Variants in CTNNA2 observed in about 807,000 individuals in gnomAD.
CTNNA2 encodes the protein catenin alpha-2.
A neutral mutation model predicts 101.0 loss-of-function variants in CTNNA2; 42 were observed. The ratio of observed to expected loss-of-function variants is 0.42; its 90% CI spans 0.32 to 0.54. The LOEUF is 0.54. Among genes scored for constraint, CTNNA2 ranks in the 20% least tolerant of loss-of-function variants. The probability of loss-of-function intolerance (pLI) is 0.14; values close to 1 mark genes in which losing one functional copy is unlikely to be tolerated. For synonymous variants in CTNNA2, 450 were observed against 456.4 expected (o/e 0.99, Z 0.18); for missense variants, 871 against 1,223.1 (o/e 0.71, Z 4.29).
intron 3 of CTNNA2, among the ~76,000 whole-genome samples, chr2:79,319,041 C>T (rs934656406): frequency 2.0e-5 from 3 of 152,138 alleles, no homozygotes; most frequent in African/African-American, 7.2e-5. Context: ...GGAAAGGACT[C>T]TATTCAGTAA....
At chr2:79,906,313 GAC>G (rs201531566) in intron 6 of CTNNA2, among the ~76,000 whole-genome samples, 1,503 of 147,870 alleles carry the variant, frequency 0.01, 24 homozygotes, top group African/African-American at 0.036. Context: ...CACACACACA[GAC>G]ACACACCCAC....
chr2:79,429,920 C>A (rs1678638643), intron 4 of CTNNA2, among the ~76,000 whole-genome samples: 1 of 152,026 alleles, frequency 6.6e-6, no homozygotes, highest in South Asian at 2.1e-4. Flanking sequence ...TTTAGTAAGC[C>A]AAGTCATCTT....
chr2:79,512,689 G>A (rs189852708), upstream of CTNNA2, among the ~76,000 whole-genome samples: 3 of 151,946 alleles, frequency 2.0e-5, no homozygotes, highest in East Asian at 5.9e-4. Flanking sequence ...CGGCACCTGC[G>A]CCCTACGGCG....
chr2:80,543,160 G>A (rs1691728437), intron 9 of CTNNA2, among the ~76,000 whole-genome samples: 1 of 152,198 alleles, frequency 6.6e-6, no homozygotes, highest in Non-Finnish European at 1.5e-5. Context: ...TCTGTGTCAT[G>A]CACTGAGTCA....
chr2:80,094,426 A>T (rs1314950323), intron 7 of CTNNA2, among the ~76,000 whole-genome samples: 1 of 152,128 alleles, frequency 6.6e-6, no homozygotes, highest in Non-Finnish European at 1.5e-5. Context: ...GTATAGTTTA[A>T]AGTCAGGTAG....
chr2:79,922,324 C>CT (rs1030552678), intron 7 of CTNNA2, among the ~76,000 whole-genome samples: 1 of 151,986 alleles, frequency 6.6e-6, no homozygotes, highest in South Asian at 2.1e-4. Flanking sequence ...AGACATTGGC[C>CT]TTTTTTATTA....
chr2:80,627,869 G>A (rs959474087), intron 18 of CTNNA2, among the ~76,000 whole-genome samples: 1 of 151,552 alleles, frequency 6.6e-6, no homozygotes, highest in African/African-American at 2.4e-5. Context: ...TTAGTCCATC[G>A]TCTCAGCCCC....
At chr2:79,458,143 T>C (rs558873125) in intron 4 of CTNNA2, among the ~76,000 whole-genome samples, 1 of 152,304 alleles carries the variant, frequency 6.6e-6, no homozygotes, top group African/African-American at 2.4e-5. Context: ...AAAGCCCCAA[T>C]AGAAGATACA....
At chr2:79,477,168 C>CTTTTTT (rs5832392) in intron 4 of CTNNA2, among the ~76,000 whole-genome samples, 54 of 123,154 alleles carry the variant, frequency 4.4e-4, no homozygotes, top group Non-Finnish European at 5.8e-4. Flanking sequence ...TCTTTTTTTT[C>CTTTTTT]TTTTTTTTTT....
At position 80,241,315 on chromosome 2, in the gene CTNNA2, C is replaced by A. The variant is rs372349904; in HGVS notation, c.1057-151896C>A. Among the ~76,000 whole-genome samples, 21 of 151,488 alleles carry A rather than the reference C, an allele frequency of 1.4e-4. No homozygotes were observed. The East Asian group carries it at 1.6e-3, about 11-fold the overall frequency. ...AGACATATAGGTTAAACAAAAACTT[C>A]ATCAAACAATTTTGGAAGTTTCTTT... On this transcript the variant is annotated intron_variant, in intron 7 of 18. Coordinates refer to ENST00000402739, the MANE Select transcript of CTNNA2 (RefSeq NM_001282597.3).
intron 2 of CTNNA2, among the ~76,000 whole-genome samples, chr2:79,657,705 T>C (rs1297826896): frequency 6.6e-6 from 1 of 151,476 alleles, no homozygotes; most frequent in Non-Finnish European, 1.5e-5. Flanking sequence ...TATTAGTAAA[T>C]AGCACCCAGC....
chr2:80,494,936 C>T (rs1687335391), intron 9 of CTNNA2, among the ~76,000 whole-genome samples: 1 of 151,978 alleles, frequency 6.6e-6, no homozygotes, highest in African/African-American at 2.4e-5. Context: ...CATTGAATTC[C>T]CAAATTTCCC....
At chr2:79,565,332 C>G (rs1047549949) in intron 1 of CTNNA2, among the ~76,000 whole-genome samples, 5 of 151,978 alleles carry the variant, frequency 3.3e-5, no homozygotes, top group African/African-American at 1.2e-4. Context: ...ATCTCAGGTA[C>G]TATCCAGGAA....
intron 7 of CTNNA2, among the ~76,000 whole-genome samples, chr2:80,322,476 C>G (rs1221731850): frequency 1.3e-5 from 2 of 152,126 alleles, no homozygotes; most frequent in African/African-American, 2.4e-5. Context: ...GACTTAATCC[C>G]GAGAGGCAAT....
intron 2 of CTNNA2, among the ~76,000 whole-genome samples, chr2:79,739,495 T>G (rs1671130330): frequency 6.6e-6 from 1 of 152,236 alleles, no homozygotes; most frequent in Non-Finnish European, 1.5e-5. Flanking sequence ...TCAAGCTCTT[T>G]CATTCACTGA....
At chr2:79,457,643 C>CTT (rs2104532425) in intron 4 of CTNNA2, among the ~76,000 whole-genome samples, 1 of 151,916 alleles carries the variant, frequency 6.6e-6, no homozygotes, top group African/African-American at 2.4e-5. Flanking sequence ...TATCAAAGCT[C>CTT]TTTTTCTACT....
chr2:80,407,892 G>A (rs1679207362), intron 8 of CTNNA2, among the ~76,000 whole-genome samples: 1 of 152,202 alleles, frequency 6.6e-6, no homozygotes, highest in Non-Finnish European at 1.5e-5. Context: ...CTCTGGAGAG[G>A]GAAGGTAGCT....
chr2:79,593,879 A>ATTTT, intron 1 of CTNNA2, among the ~76,000 whole-genome samples: 1 of 111,076 alleles, frequency 9.0e-6, no homozygotes, highest in Non-Finnish European at 1.8e-5. Context: ...CCTTTCTTTT[A>ATTTT]GTTTTTTTTT....
chr2:79,833,846 T>C (rs1198868329), intron 3 of CTNNA2, among the ~76,000 whole-genome samples: 8 of 152,220 alleles, frequency 5.3e-5, no homozygotes. Context: ...TTGAAACTTC[T>C]TTAATATTTT....
Sources: allele counts gnomAD v4.1 joint callset (sites outside exome capture counted in the v4.1 genomes callset), GRCh38; gene constraint gnomAD v4.1.1; transcripts MANE v1.5; gene names NCBI Gene and HGNC (gene_info 2026-07-23, HGNC 2026-07-21).